The following TWSG1 variants were observed in gnomAD, a reference collection of about 807,000 sequenced individuals.
TWSG1 encodes twisted gastrulation BMP signaling modulator 1.
In TWSG1, 15 loss-of-function variants were observed where a neutral mutation model predicts 23.0. The ratio of observed to expected loss-of-function variants is 0.65; its 90% CI spans 0.44 to 1.00. TWSG1 has a LOEUF of 1.00. Among genes scored for constraint, TWSG1 ranks in the 50% least tolerant of loss-of-function variants. The pLI is 0.00. For synonymous variants in TWSG1, 86 were observed against 92.8 expected, an observed-to-expected ratio of 0.93 and a Z score of 0.42; for missense variants, 242 against 278.7, an observed-to-expected ratio of 0.87 and a Z score of 0.94.
chr18:9,348,475 G>T (rs529850706), intron 2 of TWSG1, among the ~76,000 whole-genome samples: 18 of 152,338 alleles, frequency 1.2e-4, no homozygotes, highest in Non-Finnish European at 1.5e-4. Flanking sequence ...AAAATTGCCT[G>T]TGCACAGTTT....
chr18:9,375,718 G>T (rs2040626915), intron 3 of TWSG1, among the ~76,000 whole-genome samples: 1 of 152,064 alleles, frequency 6.6e-6, no homozygotes, highest in Admixed American at 6.6e-5. Context: ...ATTTGAAATT[G>T]GAAACACAAT....
chr18:9,358,241 G>A (rs1260459401), intron 2 of TWSG1, among the ~76,000 whole-genome samples: 1 of 151,558 alleles, frequency 6.6e-6, no homozygotes, highest in Admixed American at 6.6e-5. Flanking sequence ...AAGTAGGAAT[G>A]GGGGGGCCAC....
intron 2 of TWSG1, among the ~76,000 whole-genome samples, chr18:9,349,161 A>G (rs1568031911): frequency 1.3e-5 from 2 of 152,158 alleles, no homozygotes; most frequent in African/African-American, 2.4e-5. Flanking sequence ...AAAATTTGGT[A>G]ATATGGGATT....
chr18:9,395,811 C>T (rs1326992499), intron 3 of TWSG1, among the ~76,000 whole-genome samples: 1 of 152,190 alleles, frequency 6.6e-6, no homozygotes, highest in Admixed American at 6.5e-5. Context: ...AAGTGATCCT[C>T]CCACCTTGGC....
intron 2 of TWSG1, among the ~76,000 whole-genome samples, chr18:9,342,840 T>G (rs2040452040): frequency 1.3e-5 from 2 of 152,210 alleles, no homozygotes; most frequent in Non-Finnish European, 2.9e-5. Flanking sequence ...GTGTGGAAAG[T>G]AAGCTTTCTG....
At chr18:9,344,959 G>A (rs1408581445) in intron 2 of TWSG1, among the ~76,000 whole-genome samples, 1 of 152,014 alleles carries the variant, frequency 6.6e-6, no homozygotes, top group Non-Finnish European at 1.5e-5. Context: ...GGGTCTCACT[G>A]TATTGCCCAG....
chr18:9,347,084 G>A (rs973710822), intron 2 of TWSG1, among the ~76,000 whole-genome samples: 1 of 152,168 alleles, frequency 6.6e-6, no homozygotes, highest in Non-Finnish European at 1.5e-5. Flanking sequence ...GACATATGAT[G>A]GAGAGCGTCT....
At chr18:9,363,219 C>T (rs1049157497) in intron 3 of TWSG1, among the ~76,000 whole-genome samples, 53 of 152,132 alleles carry the variant, frequency 3.5e-4, no homozygotes, top group Non-Finnish European at 2.6e-4. Flanking sequence ...CTGATTTTTT[C>T]TTAAGGTAAG....
intron 3 of TWSG1, among the ~76,000 whole-genome samples, chr18:9,367,889 A>G (rs1240006110): frequency 6.6e-6 from 1 of 152,172 alleles, no homozygotes; most frequent in Non-Finnish European, 1.5e-5. Flanking sequence ...ACCACATTGT[A>G]CATATCCACA....
intron 3 of TWSG1, among the ~76,000 whole-genome samples, chr18:9,386,287 G>A (rs1037006940): frequency 2.0e-4 from 30 of 151,346 alleles, no homozygotes; most frequent in African/African-American, 6.6e-4. Flanking sequence ...TGGTGAAACC[G>A]CGTCTGTACT....
intron 3 of TWSG1, among the ~76,000 whole-genome samples, chr18:9,393,712 C>G (rs1018833877): frequency 2.0e-5 from 3 of 152,148 alleles, no homozygotes; most frequent in Non-Finnish European, 2.9e-5. Context: ...CACGCATCAT[C>G]ATGCTCAGCT....
At chr18:9,340,151 A>G (rs1386990006) in intron 2 of TWSG1, among the ~76,000 whole-genome samples, 1 of 151,888 alleles carries the variant, frequency 6.6e-6, no homozygotes, top group Admixed American at 6.6e-5. Context: ...GGCGGATCAC[A>G]AGGTCAGGAG....
chr18:9,387,156 GAAGA>G (rs1425772392), intron 3 of TWSG1, among the ~76,000 whole-genome samples: 3 of 152,176 alleles, frequency 2.0e-5, no homozygotes, highest in Non-Finnish European at 4.4e-5. Flanking sequence ...TAAGTGAAGA[GAAGA>G]AAGAAACTGG....
intron 3 of TWSG1, among the ~76,000 whole-genome samples, chr18:9,361,842 G>A (rs2040553983): frequency 6.6e-6 from 1 of 152,144 alleles, no homozygotes; most frequent in Non-Finnish European, 1.5e-5. Flanking sequence ...GAAGAGACAG[G>A]GACCTGAAGG....
rs560957234 is a variant in TWSG1, at chr18:9,399,627, T to G, written c.*100T>G. The G allele has an allele frequency of 1.8e-6, 2 of 1,093,076 alleles. No individual in the cohort carries two copies. The highest frequency in any genetic ancestry group is 1.7e-5 in the South Asian group (1 of 58,160). 67.7% of individuals were successfully genotyped at this position (1,093,076 alleles called of 1,614,324 possible). A position where few individuals can be genotyped will look rare whatever the true frequency, so the allele number is the denominator to read the frequency against. On this transcript the variant is annotated 3_prime_UTR_variant, in exon 5 of 5. Transcript: ENST00000262120. The stretch of plus-strand genomic sequence containing the variant: ...TATCTTGTATCAGAATCCCAGTAAG[T>G]TAAGTTGTAAAGACTTTGGAATAAG...
Position 9,385,406 on chromosome 18 carries a change from G to A in TWSG1, c.224-10874G>A, listed in dbSNP as rs925703536. On this transcript the variant is annotated intron_variant, in intron 3 of 4. Coordinates refer to ENST00000262120, the MANE Select transcript of TWSG1 (RefSeq NM_020648.6). Reference sequence around the variant, plus strand: ...ATAAGTGTAGCTTAAAAGAAAGAACGGGCCGGGCGCGGTGGCTCACGCCTG... The same window carrying A: ...ATAAGTGTAGCTTAAAAGAAAGAACAGGCCGGGCGCGGTGGCTCACGCCTG... 6.2e-5 allele frequency among the ~76,000 whole-genome samples: 7 copies of A among 113,746 alleles called. 1 individual carries two copies. Among genetic ancestry groups the A allele is most frequent in the African/African-American group, 2.7e-4 (7 of 25,864 alleles). The allele number at this position is 113,746 out of a possible 152,430, so 74.6% of individuals were successfully genotyped here.
intron 4 of TWSG1, among the ~76,000 whole-genome samples, chr18:9,399,014 A>C (rs914005740): frequency 6.6e-6 from 1 of 152,098 alleles, no homozygotes; most frequent in Non-Finnish European, 1.5e-5. Flanking sequence ...TCTCAAAAAA[A>C]AAAAGGAAAT....
chr18:9,396,733 G>GA, intron 4 of TWSG1, 187 bp downstream of exon 4: 2 of 573,722 alleles, frequency 3.5e-6, no homozygotes, highest in South Asian at 2.4e-5. Context: ...AGAAGGATAA[G>GA]AGAAAAAAAA....
At chr18:9,395,782 G>A (rs2040731901) in intron 3 of TWSG1, among the ~76,000 whole-genome samples, 1 of 152,112 alleles carries the variant, frequency 6.6e-6, no homozygotes, top group African/African-American at 2.4e-5. Flanking sequence ...GCCTAAGCTG[G>A]TATCAAACTC....
Sources: allele counts gnomAD v4.1 joint callset (sites outside exome capture counted in the v4.1 genomes callset), GRCh38; gene constraint gnomAD v4.1.1; transcripts MANE v1.5; gene names NCBI Gene and HGNC (gene_info 2026-07-23, HGNC 2026-07-21).